TENM2: variants seen among roughly 807,000 people sequenced by gnomAD.
TENM2 encodes the protein teneurin transmembrane protein 2, also known as teneurin-2.
A neutral mutation model predicts 245.2 loss-of-function variants in TENM2; 52 were observed. The ratio of observed to expected loss-of-function variants is 0.21; its 90% CI spans 0.17 to 0.27. TENM2 has a LOEUF of 0.27. Ranked by LOEUF, TENM2 falls within the 10% of genes least tolerant of loss-of-function variation. The probability of loss-of-function intolerance (pLI) is 1.00; values close to 1 mark genes in which losing one functional copy is unlikely to be tolerated. For synonymous variants in TENM2, 1,363 were observed against 1,438.9 expected, an observed-to-expected ratio of 0.95 and a Z score of 1.19; for missense variants, 3,046 against 3,666.8, an observed-to-expected ratio of 0.83 and a Z score of 4.37.
intron 2 of TENM2, among the ~76,000 whole-genome samples, chr5:167,801,896 A>G (rs1487958312): frequency 1.3e-4 from 3 of 23,680 alleles, no homozygotes; most frequent in Non-Finnish European, 2.9e-4. Context: ...CAAAACATGC[A>G]CACACACAGA....
At chr5:167,900,973 T>G (rs1176972857) in intron 3 of TENM2, among the ~76,000 whole-genome samples, 1 of 152,104 alleles carries the variant, frequency 6.6e-6, no homozygotes, top group Non-Finnish European at 1.5e-5. Flanking sequence ...AGGCCTGAGA[T>G]GTCTTTTTTG....
intron 7 of TENM2, among the ~76,000 whole-genome samples, chr5:168,070,043 G>A (rs931237553): frequency 2.0e-5 from 3 of 152,186 alleles, no homozygotes; most frequent in South Asian, 2.1e-4. Flanking sequence ...TTACAGAAAT[G>A]CTCTTTTTGA....
chr5:168,119,440 A>G (rs191435260), intron 10 of TENM2, among the ~76,000 whole-genome samples: 1 of 152,334 alleles, frequency 6.6e-6, no homozygotes, highest in African/African-American at 2.4e-5. Flanking sequence ...CAGATAAATT[A>G]TTTTGTGCCA....
intron 2 of TENM2, among the ~76,000 whole-genome samples, chr5:167,603,997 C>T (rs1776841934): frequency 6.6e-6 from 1 of 152,140 alleles, no homozygotes; most frequent in South Asian, 2.1e-4. Context: ...ATTTAATAAA[C>T]AGCTGCCTGC....
At chr5:167,761,037 G>A (rs1032446787) in intron 2 of TENM2, among the ~76,000 whole-genome samples, 1 of 152,076 alleles carries the variant, frequency 6.6e-6, no homozygotes, top group African/African-American at 2.4e-5. Context: ...GAAATGTCCA[G>A]GTCTACGGGT....
intron 2 of TENM2, among the ~76,000 whole-genome samples, chr5:167,861,109 T>C (rs1014074005): frequency 6.6e-6 from 1 of 151,568 alleles, no homozygotes; most frequent in Non-Finnish European, 1.5e-5. Context: ...TTTTCACCCC[T>C]AGCAATCGCT....
At chr5:167,638,325 C>T (rs1779347612) in intron 2 of TENM2, among the ~76,000 whole-genome samples, 1 of 152,152 alleles carries the variant, frequency 6.6e-6, no homozygotes, top group Non-Finnish European at 1.5e-5. Flanking sequence ...CACCTAGGCA[C>T]AAATAATCAC....
At chr5:167,067,486 G>A in the TENM2 span, among the ~76,000 whole-genome samples, 1 of 152,048 alleles carries the variant, frequency 6.6e-6, no homozygotes, top group Non-Finnish European at 1.5e-5. Flanking sequence ...TGAAAGAGAG[G>A]GTGAGTTAAA....
chr5:168,052,121 G>T (rs1004884408), intron 6 of TENM2, among the ~76,000 whole-genome samples: 1 of 151,936 alleles, frequency 6.6e-6, no homozygotes, highest in African/African-American at 2.4e-5. Context: ...AAATAGGCCA[G>T]GTGCAGTGGC....
rs182661303 is a variant in TENM2 at position 167,414,510 on chromosome 5, G to A, written c.502+39037G>A. Reference sequence around the variant, plus strand: ...GGGTGAAAAACAAAAGCTAACACTCGGCAAGTGATTTAGGGTGATTTATGG... The same window carrying A: ...GGGTGAAAAACAAAAGCTAACACTCAGCAAGTGATTTAGGGTGATTTATGG... On this transcript the variant is annotated intron_variant, in intron 2 of 28. Transcript: ENST00000518659. 7.9e-5 allele frequency among the ~76,000 whole-genome samples: 12 copies of A among 152,030 alleles called. No homozygotes were observed. In the East Asian group the frequency reaches 1.7e-3, roughly 22 times the overall value.
chr5:168,199,291 G>T (rs1371534678), intron 16 of TENM2, among the ~76,000 whole-genome samples, 177 bp downstream of exon 18: 1 of 152,230 alleles, frequency 6.6e-6, no homozygotes, highest in South Asian at 2.1e-4. Flanking sequence ...GGCTGTTCTG[G>T]ATGTCTGCAG....
At chr5:167,757,049 A>G (rs759286063) in intron 2 of TENM2, among the ~76,000 whole-genome samples, 52 of 148,404 alleles carry the variant, frequency 3.5e-4, no homozygotes, top group Non-Finnish European at 6.0e-4. Flanking sequence ...TTTTTTTATT[A>G]TATTTTTAAA....
intron 5 of TENM2, among the ~76,000 whole-genome samples, chr5:168,007,547 A>C (rs1458234900): frequency 6.6e-6 from 1 of 152,178 alleles, no homozygotes; most frequent in Non-Finnish European, 1.5e-5. Flanking sequence ...GATGAGTTTC[A>C]GTCATGATCT....
intron 23 of TENM2, among the ~76,000 whole-genome samples, chr5:168,220,050 C>T (rs557519121): frequency 6.0e-4 from 91 of 152,200 alleles, no homozygotes; most frequent in East Asian, 1.9e-3. Flanking sequence ...TCTCAAGCAC[C>T]TTAACGATGC....
At chr5:167,570,262 T>C (rs1387610857) in intron 2 of TENM2, among the ~76,000 whole-genome samples, 1 of 152,090 alleles carries the variant, frequency 6.6e-6, no homozygotes, top group East Asian at 1.9e-4. Context: ...TAAGGAATTG[T>C]GAACCTTAGA....
chr5:166,993,780 T>G, the TENM2 span, among the ~76,000 whole-genome samples: 4 of 152,190 alleles, frequency 2.6e-5, no homozygotes, highest in Admixed American at 6.5e-5. Flanking sequence ...AACCTGCAGA[T>G]TAAATAACCG....
the TENM2 span, among the ~76,000 whole-genome samples, chr5:167,129,648 G>C: frequency 7.2e-5 from 11 of 152,264 alleles, no homozygotes; most frequent in Non-Finnish European, 1.3e-4. Context: ...TACTATTGGC[G>C]TGAAATGAGG....
the TENM2 span, among the ~76,000 whole-genome samples, chr5:167,149,571 C>T: frequency 6.6e-6 from 1 of 152,102 alleles, no homozygotes; most frequent in Non-Finnish European, 1.5e-5. Context: ...CAACACAGAC[C>T]TGATTCCCAG....
the TENM2 span, among the ~76,000 whole-genome samples, chr5:167,106,765 G>A: frequency 2.0e-5 from 3 of 151,778 alleles, no homozygotes; most frequent in Admixed American, 1.3e-4. Context: ...GAAGAGGGTG[G>A]AGGGCAGTGA....
Sources: allele counts gnomAD v4.1 joint callset (sites outside exome capture counted in the v4.1 genomes callset), GRCh38; gene constraint gnomAD v4.1.1; transcripts MANE v1.5; gene names NCBI Gene and HGNC (gene_info 2026-07-23, HGNC 2026-07-21).